RPIA: variants seen among roughly 807,000 people sequenced by gnomAD.
RPIA encodes the protein ribose-5-phosphate isomerase.
A neutral mutation model predicts 37.8 loss-of-function variants in RPIA; 29 were observed. The ratio of observed to expected loss-of-function variants is 0.77; its 90% CI spans 0.57 to 1.05. The LOEUF (loss-of-function observed/expected upper bound fraction) is 1.05. Among genes scored for constraint, RPIA ranks in the 50% least tolerant of loss-of-function variants. RPIA has a pLI of 0.00. For missense variants in RPIA, 385 were observed against 413.6 expected (o/e 0.93, Z 0.60); for synonymous variants, 167 against 157.0 (o/e 1.06, Z -0.48).
At position 88,745,107 on chromosome 2, in the gene RPIA, G is replaced by A. The variant is rs147042495; in HGVS notation, c.839-4874G>A. 4.5e-3 allele frequency among the ~76,000 whole-genome samples: 686 copies of A among 152,104 alleles called. 4 individuals are homozygous for A. Among genetic ancestry groups the A allele is most frequent in the African/African-American group, 0.016 (661 of 41,536 alleles). On this transcript the variant is annotated intron_variant, in intron 8 of 8. Coordinates refer to ENST00000283646, the MANE Select transcript of RPIA (RefSeq NM_144563.3). Reference sequence around the variant, plus strand: ...TGAGTAGCTGGGATTACAGGTGCCCGCCACCATGACTGGCTAATTTTTTTG... The same window carrying A: ...TGAGTAGCTGGGATTACAGGTGCCCACCACCATGACTGGCTAATTTTTTTG...
intron 3 of RPIA, among the ~76,000 whole-genome samples, chr2:88,717,560 A>G (rs773306328): frequency 2.6e-5 from 4 of 152,192 alleles, no homozygotes; most frequent in Non-Finnish European, 4.4e-5. Flanking sequence ...ATATGCATTT[A>G]TCGCAGTGAG....
At chr2:88,717,661 T>C (rs760084189) in intron 3 of RPIA, among the ~76,000 whole-genome samples, 23 of 152,172 alleles carry the variant, frequency 1.5e-4, no homozygotes, top group Admixed American at 2.6e-4. Flanking sequence ...TTTATTTTCC[T>C]TTTACATTTC....
chr2:88,710,427 C>T (rs181808807), intron 3 of RPIA, among the ~76,000 whole-genome samples: 99 of 152,224 alleles, frequency 6.5e-4, no homozygotes, highest in Admixed American at 6.5e-4. Context: ...AAACATGAGA[C>T]GATTTTTTCA....
At chr2:88,741,224 C>G (rs761638547) in intron 8 of RPIA, among the ~76,000 whole-genome samples, 11 of 152,134 alleles carry the variant, frequency 7.2e-5, no homozygotes, top group Non-Finnish European at 1.3e-4. Context: ...TCACCCTTTC[C>G]CCTGAGTCCC....
Position 88,745,228 on chromosome 2 carries a change from T to G in RPIA, c.839-4753T>G, listed in dbSNP as rs554616940. On this transcript the variant is annotated intron_variant, in intron 8 of 8. Coordinates refer to ENST00000283646, the MANE Select transcript of RPIA (RefSeq NM_144563.3). The stretch of plus-strand genomic sequence containing the variant: ...GCCTGCCTTGGCCGCCCACCAAGCC[T>G]GGCCCATTGTGTACCTTTTAAGTAG... 2.0e-5 allele frequency among the ~76,000 whole-genome samples: 3 copies of G among 152,316 alleles called. No homozygotes were observed. The South Asian group carries it at 6.2e-4, about 32-fold the overall frequency.
At chr2:88,747,627 G>A (rs930939067) in intron 8 of RPIA, among the ~76,000 whole-genome samples, 2 of 152,160 alleles carry the variant, frequency 1.3e-5, no homozygotes, top group East Asian at 3.9e-4. Context: ...CTGGGGACTG[G>A]AAGTGTCTAC....
chr2:88,733,799 A>G (rs568050013), intron 4 of RPIA, among the ~76,000 whole-genome samples: 1 of 152,292 alleles, frequency 6.6e-6, no homozygotes, highest in East Asian at 1.9e-4. Flanking sequence ...GGTTCCTACA[A>G]TGTCCATGCA....
intron 4 of RPIA, 23 bp downstream of exon 4, chr2:88,729,360 G>A: frequency 6.2e-7 from 1 of 1,608,306 alleles, no homozygotes; most frequent in Non-Finnish European, 8.5e-7. Context: ...CTCAGAGGCA[G>A]ACCACTGCGT....
intron 7 of RPIA, among the ~76,000 whole-genome samples, chr2:88,737,367 C>T (rs1350398368): frequency 6.6e-6 from 1 of 151,950 alleles, no homozygotes; most frequent in Non-Finnish European, 1.5e-5. Flanking sequence ...ATATTTTGTC[C>T]CCACTGTTTC....
intron 3 of RPIA, among the ~76,000 whole-genome samples, chr2:88,723,301 G>A (rs571009299): frequency 7.9e-5 from 12 of 152,076 alleles, no homozygotes; most frequent in African/African-American, 2.4e-4. Flanking sequence ...GCTTTCTACC[G>A]CTCTAGAAGC....
At chr2:88,702,182 A>G (rs576509640) in intron 3 of RPIA, among the ~76,000 whole-genome samples, 4 of 152,216 alleles carry the variant, frequency 2.6e-5, no homozygotes, top group Non-Finnish European at 4.4e-5. Flanking sequence ...TTTTATTATC[A>G]AAAGTATTAC....
At position 88,738,021 on chromosome 2, in the gene RPIA, G is replaced by A. The variant is rs749365715; in HGVS notation, c.783G>A (p.Lys261=). 3 of 1,614,046 alleles carry A rather than the reference G, an allele frequency of 1.9e-6. No individual in the cohort carries two copies. Among genetic ancestry groups the A allele is most frequent in the Non-Finnish European group, 2.5e-6 (3 of 1,179,930 alleles). ...TDNGNFILDW[K]FDRVHKWSEV... is the part of the protein sequence containing the mutation. ...ATGGGAATTTTATCTTGGACTGGAAGTTTGACCGGGTACACAAATGGAGTG... is the reference window on the plus strand; with the variant it reads ...ATGGGAATTTTATCTTGGACTGGAAATTTGACCGGGTACACAAATGGAGTG... Residue 261 remains lysine (K), a synonymous_variant, in exon 8 of 9, where the codon AAG becomes AAA. Transcript: ENST00000283646.
At chr2:88,733,599 G>C (rs886947669) in intron 4 of RPIA, among the ~76,000 whole-genome samples, 2 of 152,174 alleles carry the variant, frequency 1.3e-5, no homozygotes, top group African/African-American at 4.8e-5. Context: ...TGCAGGCCTG[G>C]GGAGAGCAGT....
At chr2:88,704,448 GA>G (rs1672874368) in intron 3 of RPIA, among the ~76,000 whole-genome samples, 1 of 152,148 alleles carries the variant, frequency 6.6e-6, no homozygotes, top group African/African-American at 2.4e-5. Context: ...TGCAAAAGCA[GA>G]AACCCCTGAT....
chr2:88,711,357 G>T (rs577374182), intron 3 of RPIA, among the ~76,000 whole-genome samples: 1 of 152,344 alleles, frequency 6.6e-6, no homozygotes, highest in Non-Finnish European at 1.5e-5. Context: ...AGTCTAGAAA[G>T]GTGGGACAAC....
intron 3 of RPIA, among the ~76,000 whole-genome samples, chr2:88,724,707 A>C (rs1673175844): frequency 1.3e-5 from 2 of 152,128 alleles, no homozygotes; most frequent in Non-Finnish European, 2.9e-5. Context: ...AGGGATTTAA[A>C]TGATTTTGGT....
At position 88,705,251 on chromosome 2, in the gene RPIA, A is replaced by G. The variant is rs185595504; in HGVS notation, c.402+5187A>G. Among the ~76,000 whole-genome samples, 16 of 152,368 alleles carry G rather than the reference A, an allele frequency of 1.1e-4. No individual in the cohort carries two copies. The East Asian group carries it at 3.1e-3, about 29-fold the overall frequency. ...CATATGGAACCAAAAAAGAGCCTGT[A>G]TGGCCAAGACAATCCTAAGCAAAAA... is the stretch of plus-strand genomic sequence containing the variant. On this transcript the variant is annotated intron_variant, in intron 3 of 8. Coordinates refer to ENST00000283646, the MANE Select transcript of RPIA (RefSeq NM_144563.3).
At chr2:88,718,710 C>T (rs749476704) in intron 3 of RPIA, among the ~76,000 whole-genome samples, 12 of 152,210 alleles carry the variant, frequency 7.9e-5, no homozygotes, top group East Asian at 1.9e-4. Context: ...TGCCCCATTA[C>T]GAATGAAAAC....
intron 4 of RPIA, among the ~76,000 whole-genome samples, 197 bp from the exon 5 acceptor site, chr2:88,734,355 C>T (rs2306676): frequency 0.24 from 36,677 of 151,888 alleles, 4,854 homozygotes; most frequent in East Asian, 0.31. Context: ...GGTTAGAGTC[C>T]CAAGTCCTGT....
Sources: gnomAD v4.1 joint callset for allele counts (sites outside exome capture counted in the v4.1 genomes callset) on GRCh38, gnomAD v4.1.1 for gene constraint, MANE v1.5 for transcripts, NCBI Gene and HGNC (gene_info 2026-07-23, HGNC 2026-07-21) for gene names.